Variants in WIPF3 observed in about 807,000 individuals in gnomAD.
The protein encoded by WIPF3 is WAS/WASL-interacting protein family member 3.
WIPF3 carries 33 observed loss-of-function variants against 38.9 expected under a neutral mutation model. That is an observed-to-expected ratio of 0.85 (90% CI 0.64 to 1.14). The LOEUF is 1.14. WIPF3 is among the 50% of genes most tolerant of loss of function. The pLI is 0.00. For synonymous variants in WIPF3, 324 were observed against 269.3 expected, an observed-to-expected ratio of 1.20 and a Z score of -1.99; for missense variants, 711 against 652.5, an observed-to-expected ratio of 1.09 and a Z score of -0.98.
Position 29,879,022 on chromosome 7 carries a change from C to T in WIPF3, c.237C>T (p.Thr79=). 3 of 1,599,390 alleles carry T rather than the reference C, an allele frequency of 1.9e-6. No individual in the cohort carries two copies. Among genetic ancestry groups the T allele is most frequent in the African/African-American group, 1.3e-5 (1 of 74,834 alleles). ...SAPQIESSKG[T]NKEGGGSANT... ...TTCTCTCTAAAGGTTCTAAAGGAAC[C>T]AACAAAGAAGGAGGAGGTTCTGCAA... Residue 79 remains threonine, a synonymous_variant, in exon 4 of 9, where the codon ACC becomes ACT. Coordinates refer to ENST00000242140, the MANE Select transcript of WIPF3 (RefSeq NM_001080529.3).
At chr7:29,897,764 G>A (rs540287763) in intron 7 of WIPF3, among the ~76,000 whole-genome samples, 58 of 152,252 alleles carry the variant, frequency 3.8e-4, no homozygotes, top group South Asian at 4.1e-4. Flanking sequence ...CCATCTTTGC[G>A]GAAGGCAGCT....
chr7:29,871,305 T>C (rs1464533949), intron 2 of WIPF3, among the ~76,000 whole-genome samples: 1 of 152,190 alleles, frequency 6.6e-6, no homozygotes, highest in Non-Finnish European at 1.5e-5. Context: ...GCAAACACCC[T>C]GGCTGCTGAC....
intron 6 of WIPF3, among the ~76,000 whole-genome samples, 158 bp downstream of exon 6, chr7:29,888,375 C>T (rs1305132037): frequency 6.6e-6 from 1 of 152,180 alleles, no homozygotes; most frequent in Non-Finnish European, 1.5e-5. Context: ...CCCATAGGTT[C>T]TGTTAAATAG....
intron 2 of WIPF3, among the ~76,000 whole-genome samples, chr7:29,872,891 A>C (rs925094647): frequency 4.0e-5 from 6 of 151,446 alleles, no homozygotes; most frequent in African/African-American, 9.7e-5. Flanking sequence ...ACTGGAGCAG[A>C]AGACAGCTGA....
chr7:29,852,701 C>T (rs550186293), intron 2 of WIPF3, among the ~76,000 whole-genome samples: 25 of 152,214 alleles, frequency 1.6e-4, no homozygotes, highest in Non-Finnish European at 3.1e-4. Context: ...ACCACTTGTT[C>T]TCTTTGCTGC....
At chr7:29,819,271 T>TTC (rs879795085) in intron 1 of WIPF3, among the ~76,000 whole-genome samples, 92 of 152,224 alleles carry the variant, frequency 6.0e-4, no homozygotes, top group South Asian at 2.9e-3. Flanking sequence ...CAACTCTTCA[T>TTC]AATGGTTGTC....
chr7:29,846,104 A>G (rs1395141712), intron 2 of WIPF3, among the ~76,000 whole-genome samples: 1 of 152,268 alleles, frequency 6.6e-6, no homozygotes, highest in African/African-American at 2.4e-5. Flanking sequence ...ATGCAGTTAT[A>G]TCAGAAGTAA....
intron 6 of WIPF3, 144 bp from the exon 7 acceptor site, chr7:29,889,162 G>A: frequency 1.5e-6 from 1 of 657,614 alleles, no homozygotes; most frequent in Non-Finnish European, 2.7e-6. Flanking sequence ...TAGGGAGAAT[G>A]GCCCTGTTGT....
chr7:29,901,825 CAAAAAAAAAAAA>C (rs869296187), intron 7 of WIPF3, among the ~76,000 whole-genome samples: 3 of 82,594 alleles, frequency 3.6e-5, no homozygotes, highest in African/African-American at 1.8e-4. Context: ...GTCCCTGTCT[CAAAAAAAAAAAA>C]AAAAAAAAAA....
At chr7:29,889,666 T>G (rs944951750) in intron 7 of WIPF3, among the ~76,000 whole-genome samples, 2 of 152,210 alleles carry the variant, frequency 1.3e-5, no homozygotes, top group Non-Finnish European at 2.9e-5. Context: ...AACTTACCAC[T>G]CATCTCTCTC....
intron 1 of WIPF3, among the ~76,000 whole-genome samples, chr7:29,822,083 T>C (rs11772181): frequency 1.3e-3 from 191 of 151,642 alleles, no homozygotes; most frequent in Non-Finnish European, 2.5e-3. Context: ...TCTTTACTTA[T>C]CATCGTTCTT....
chr7:29,812,758 A>C (rs896811730), intron 1 of WIPF3, among the ~76,000 whole-genome samples: 1 of 152,224 alleles, frequency 6.6e-6, no homozygotes, highest in Non-Finnish European at 1.5e-5. Flanking sequence ...GTTATTGAGT[A>C]GGCAGCTAGC....
At chr7:29,833,627 T>A (rs73686238) in intron 1 of WIPF3, among the ~76,000 whole-genome samples, 3,876 of 152,184 alleles carry the variant, frequency 0.025, 145 homozygotes, top group African/African-American at 0.08. Context: ...TTGGCCTCTG[T>A]GGAGACAAGA....
chr7:29,876,820 A>G (rs1362484082), intron 3 of WIPF3, among the ~76,000 whole-genome samples: 4 of 152,230 alleles, frequency 2.6e-5, no homozygotes, highest in Non-Finnish European at 2.9e-5. Context: ...GAGTAAATTG[A>G]GTCCTGTGCT....
At chr7:29,859,348 C>T (rs1232933950) in intron 2 of WIPF3, among the ~76,000 whole-genome samples, 1 of 152,122 alleles carries the variant, frequency 6.6e-6, no homozygotes, top group African/African-American at 2.4e-5. Flanking sequence ...AGATCAAAGG[C>T]CATCTGAGGG....
chr7:29,884,163 ACCACCTCCACCTCCG>A lies in WIPF3; in HGVS notation c.678_692del (p.Pro228_Pro232del). ...TTGCACCCCCCGTCCCCTGTGCGCC[ACCACCTCCACCTCCG>A]CCACCTCCCCCAACGCCACCCCCGC... On this transcript the variant is annotated inframe_deletion, in exon 5 of 9. Transcript: ENST00000242140. The A allele has an allele frequency of 7.7e-7, 1 of 1,300,388 alleles. No homozygotes were observed. Among genetic ancestry groups the A allele is most frequent in the Non-Finnish European group, 9.9e-7 (1 of 1,012,360 alleles). 80.6% of individuals were successfully genotyped at this position (1,300,388 alleles called of 1,614,324 possible). A position where few individuals can be genotyped will look rare whatever the true frequency, so the allele number is the denominator to read the frequency against.
At chr7:29,862,774 T>A (rs187355469) in intron 2 of WIPF3, among the ~76,000 whole-genome samples, 2 of 152,338 alleles carry the variant, frequency 1.3e-5, no homozygotes, top group East Asian at 3.9e-4. Context: ...CTTGCTACTA[T>A]GAGTGATGAG....
At chr7:29,838,861 A>T (rs896043285) in intron 2 of WIPF3, among the ~76,000 whole-genome samples, 1 of 152,238 alleles carries the variant, frequency 6.6e-6, no homozygotes, top group South Asian at 2.1e-4. Flanking sequence ...TGTTATGGTC[A>T]TGCTCTAAAG....
rs1562788078 is a variant in WIPF3 at position 29,891,165 on chromosome 7, TGG to T, written c.1351+1759_1351+1760del. 2.3e-3 allele frequency among the ~76,000 whole-genome samples: 169 copies of T among 74,484 alleles called. 3 individuals carry two copies. Among genetic ancestry groups the T allele is most frequent in the African/African-American group, 6.8e-3 (161 of 23,798 alleles). The allele number at this position is 74,484 out of a possible 152,430, so 48.9% of individuals were successfully genotyped here. On this transcript the variant is annotated intron_variant, in intron 7 of 8. Coordinates refer to ENST00000242140, the MANE Select transcript of WIPF3 (RefSeq NM_001080529.3). The stretch of plus-strand genomic sequence containing the variant: ...GGCGCGGGCCTGCCCTGTGCTCAGG[TGG>T]AGGGGGCGCGGGCCTGCCCTGTGCT...
Sources: gnomAD v4.1 joint callset for allele counts (sites outside exome capture counted in the v4.1 genomes callset) on GRCh38, gnomAD v4.1.1 for gene constraint, MANE v1.5 for transcripts, NCBI Gene and HGNC (gene_info 2026-07-23, HGNC 2026-07-21) for gene names.